The following STK32A variants were observed in gnomAD, a reference collection of about 807,000 sequenced individuals.
The protein encoded by STK32A is serine/threonine kinase 32A.
A neutral mutation model predicts 53.2 loss-of-function variants in STK32A; 41 were observed. The observed-to-expected ratio is 0.77, with a 90% confidence interval of 0.60 to 1.00. STK32A has a LOEUF of 1.00. STK32A is among the 50% of genes least tolerant of loss of function. The probability of loss-of-function intolerance (pLI) is 0.00; values close to 1 mark genes in which losing one functional copy is unlikely to be tolerated. For synonymous variants in STK32A, 166 were observed against 162.8 expected, an observed-to-expected ratio of 1.02 and a Z score of -0.15; for missense variants, 458 against 485.8, an observed-to-expected ratio of 0.94 and a Z score of 0.54.
At chr5:147,360,557 C>T (rs2151997856) in intron 7 of STK32A, among the ~76,000 whole-genome samples, 1 of 151,758 alleles carries the variant, frequency 6.6e-6, no homozygotes, top group Admixed American at 6.6e-5. Flanking sequence ...GTTTCTCAGG[C>T]TCTGCCAACT....
intron 4 of STK32A, among the ~76,000 whole-genome samples, chr5:147,302,626 A>T (rs976843821): frequency 3.3e-5 from 5 of 152,134 alleles, no homozygotes; most frequent in Admixed American, 3.3e-4. Context: ...GGAGGCAGTT[A>T]ATCTATAACA....
Position 147,361,562 on chromosome 5 carries a change from C to T in STK32A, c.608C>T (p.Ala203Val). 1 of 1,613,504 alleles carries T rather than the reference C, an allele frequency of 6.2e-7. No individual in the cohort carries two copies. The highest frequency in any genetic ancestry group is 8.5e-7 in the Non-Finnish European group (1 of 1,179,718). ...AGAAAAGGAGCAGGCTATTCCTTTGCTGTTGACTGGTGGTCCCTGGGAGTG... is the reference window on the plus strand; with the variant it reads ...AGAAAAGGAGCAGGCTATTCCTTTGTTGTTGACTGGTGGTCCCTGGGAGTG... The part of the protein sequence containing the change: ...SSRKGAGYSF[A>V]VDWWSLGVTA... Residue 203 changes from alanine to valine, a missense_variant, in exon 8 of 13, where the codon GCT becomes GTT. Coordinates refer to ENST00000397936, the MANE Select transcript of STK32A (RefSeq NM_001112724.2).
intron 2 of STK32A, among the ~76,000 whole-genome samples, chr5:147,254,734 T>G: frequency 6.6e-6 from 1 of 151,994 alleles, no homozygotes; most frequent in Non-Finnish European, 1.5e-5. Flanking sequence ...TTTGGCAGAG[T>G]CAGGGCAGAG....
the STK32A span, chr5:147,398,945 G>GA: frequency 8.2e-7 from 1 of 1,222,820 alleles, no homozygotes; most frequent in Non-Finnish European, 1.1e-6. Context: ...TTGAGCCACT[G>GA]AGATTTAGGG....
chr5:147,397,884 A>AGAGAAAGAG, the STK32A span: 4 of 1,552,956 alleles, frequency 2.6e-6, no homozygotes, highest in Middle Eastern at 2.3e-4. Context: ...CAGTAAGGGT[A>AGAGAAAGAG]GAGAAAGAGG....
rs540142892 is a variant in STK32A, at chr5:147,376,475, CAT to C, written c.1032+1258_1032+1259del. Among the ~76,000 whole-genome samples the C allele has an allele frequency of 1.2e-3, 178 of 152,258 alleles. 1 individual carries two copies. Among genetic ancestry groups the C allele is most frequent in the African/African-American group, 4.0e-3 (166 of 41,546 alleles). ...AGGCCTCTCTGATAACAGGACCTAA[CAT>C]GTGATAAAAACCAAGAGATCCTTTT... is the stretch of plus-strand genomic sequence containing the variant. On this transcript the variant is annotated intron_variant, in intron 11 of 12. Coordinates refer to ENST00000397936, the MANE Select transcript of STK32A (RefSeq NM_001112724.2).
intron 4 of STK32A, among the ~76,000 whole-genome samples, chr5:147,290,828 C>G (rs7737872): frequency 0.44 from 66,279 of 151,874 alleles, 14,744 homozygotes; most frequent in South Asian, 0.65. Context: ...CTTGAGGATG[C>G]CCACCTGGGA....
At chr5:147,286,361 A>G (rs1171200056) in intron 4 of STK32A, among the ~76,000 whole-genome samples, 1 of 152,128 alleles carries the variant, frequency 6.6e-6, no homozygotes, top group East Asian at 1.9e-4. Context: ...AAAATCTCAC[A>G]ATCACCACTA....
intron 4 of STK32A, among the ~76,000 whole-genome samples, chr5:147,284,484 C>A (rs1156945131): frequency 6.6e-6 from 1 of 151,788 alleles, no homozygotes; most frequent in South Asian, 2.1e-4. Flanking sequence ...TGCTTGTTGG[C>A]GATATGATCG....
chr5:147,344,145 G>A (rs1755571815), intron 6 of STK32A, among the ~76,000 whole-genome samples: 1 of 152,122 alleles, frequency 6.6e-6, no homozygotes, highest in African/African-American at 2.4e-5. Context: ...AGATCTTAAA[G>A]GCTCCTTATT....
Position 147,384,544 on chromosome 5 carries a change from G to A in STK32A, c.*561G>A, listed in dbSNP as rs1757575887. ...CAGAGATGGATGAGGGCCTTCCAGTGATATGCGTGAATCAGCATTAGATCC... is the reference window on the plus strand; with the variant it reads ...CAGAGATGGATGAGGGCCTTCCAGTAATATGCGTGAATCAGCATTAGATCC... On this transcript the variant is annotated 3_prime_UTR_variant, in exon 13 of 13. Transcript: ENST00000397936. 2.2e-6 allele frequency: 2 copies of A among 903,730 alleles called. No homozygotes were observed. Among genetic ancestry groups the A allele is most frequent in the South Asian group, 3.3e-5 (2 of 60,020 alleles). 56.0% of individuals were successfully genotyped at this position (903,730 alleles called of 1,614,324 possible).
chr5:147,353,755 T>A (rs531770437), intron 7 of STK32A, among the ~76,000 whole-genome samples: 2 of 152,030 alleles, frequency 1.3e-5, no homozygotes, highest in South Asian at 4.2e-4. Flanking sequence ...TGAGACTCCA[T>A]CTCAAAAGAA....
At chr5:147,357,581 G>A (rs781643747) in intron 7 of STK32A, among the ~76,000 whole-genome samples, 10 of 151,754 alleles carry the variant, frequency 6.6e-5, no homozygotes, top group South Asian at 6.3e-4. Flanking sequence ...CTGTTTTATG[G>A]CCTAGTTTTG....
chr5:147,293,479 T>TAAAAA (rs57835374), intron 4 of STK32A, among the ~76,000 whole-genome samples: 1 of 106,812 alleles, frequency 9.4e-6, no homozygotes. Context: ...TATTTCGAGG[T>TAAAAA]AAAAAAAAAA....
At chr5:147,290,531 A>G (rs1752550608) in intron 4 of STK32A, among the ~76,000 whole-genome samples, 1 of 152,156 alleles carries the variant, frequency 6.6e-6, no homozygotes, top group Admixed American at 6.5e-5. Flanking sequence ...AGCATAGTTG[A>G]TTCCCCAGGT....
intron 7 of STK32A, among the ~76,000 whole-genome samples, chr5:147,352,508 G>GT (rs1035496896): frequency 6.6e-6 from 1 of 152,094 alleles, no homozygotes; most frequent in Non-Finnish European, 1.5e-5. Flanking sequence ...TTTACTTCCC[G>GT]TCCAGCCTCA....
At chr5:147,350,929 C>A (rs1356992145) in intron 6 of STK32A, 136 bp from the exon 7 acceptor site, 2 of 673,916 alleles carry the variant, frequency 3.0e-6, no homozygotes, top group Admixed American at 2.3e-5. Flanking sequence ...GGTTTAAGAC[C>A]ATATCGGCCT....
downstream of STK32A, among the ~76,000 whole-genome samples, chr5:147,389,652 T>C (rs1757750509): frequency 6.6e-6 from 1 of 152,124 alleles, no homozygotes; most frequent in African/African-American, 2.4e-5. Context: ...GTGGATTACT[T>C]GAGGTCAGGA....
In STK32A at chr5:147,324,020, G is replaced by A. The variant is rs1330223837; in HGVS notation, c.383G>A (p.Cys128Tyr). The A allele has an allele frequency of 1.9e-6, 3 of 1,610,888 alleles. No individual in the cohort carries two copies. Among genetic ancestry groups the A allele is most frequent in the South Asian group, 1.1e-5 (1 of 90,114 alleles). ...GAAGAAACAGTGAAGCTCTTCATCTGTGAGCTGGTCATGGCCCTGGACTAC... is the reference window on the plus strand; with the variant it reads ...GAAGAAACAGTGAAGCTCTTCATCTATGAGCTGGTCATGGCCCTGGACTAC... ...FKEETVKLFI[C>Y]ELVMALDYLQ... The change falls in exon 5 of 13, where the codon TGT (cysteine) becomes TAT (tyrosine). Residue 128 changes from cysteine to tyrosine, a missense_variant. Physicochemically the swap from Cys to Tyr is radical, Grantham distance 194 (BLOSUM62 -2). Coordinates refer to ENST00000397936, the MANE Select transcript of STK32A (RefSeq NM_001112724.2).
Sources: allele counts gnomAD v4.1 joint callset (sites outside exome capture counted in the v4.1 genomes callset), GRCh38; gene constraint gnomAD v4.1.1; transcripts MANE v1.5; gene names NCBI Gene and HGNC (gene_info 2026-07-23, HGNC 2026-07-21).